The following GRM1 variants were observed in gnomAD, a reference collection of about 807,000 sequenced individuals.
GRM1 encodes metabotropic glutamate receptor 1.
In GRM1, 33 loss-of-function variants were observed where a neutral mutation model predicts 90.9. The ratio of observed to expected loss-of-function variants is 0.36; its 90% CI spans 0.28 to 0.49. GRM1 has a LOEUF of 0.49. Ranked by LOEUF, GRM1 falls within the 20% of genes least tolerant of loss-of-function variation. GRM1 has a pLI of 0.99. For synonymous variants in GRM1, 700 were observed against 613.2 expected (o/e 1.14, Z -2.09); for missense variants, 1,190 against 1,534.3 (o/e 0.78, Z 3.75).
At chr6:146,226,486 A>G (rs1352510588) in intron 2 of GRM1, among the ~76,000 whole-genome samples, 1 of 152,124 alleles carries the variant, frequency 6.6e-6, no homozygotes, top group African/African-American at 2.4e-5. Context: ...TCTTCAGGAA[A>G]GATGTAATAG....
At chr6:146,122,841 T>TTC (rs1421826472) in intron 1 of GRM1, among the ~76,000 whole-genome samples, 8 of 41,522 alleles carry the variant, frequency 1.9e-4, no homozygotes, top group Admixed American at 1.3e-3. Context: ...TTTTCTTTCT[T>TTC]TTTTTTTTTT....
At chr6:146,239,775 C>T (rs910511169) in intron 2 of GRM1, among the ~76,000 whole-genome samples, 1 of 152,118 alleles carries the variant, frequency 6.6e-6, no homozygotes, top group Non-Finnish European at 1.5e-5. Flanking sequence ...TCATCAGAAT[C>T]ACACCTGGAA....
intron 1 of GRM1, among the ~76,000 whole-genome samples, chr6:146,147,218 A>G (rs554649721): frequency 2.0e-5 from 3 of 152,220 alleles, no homozygotes; most frequent in Non-Finnish European, 4.4e-5. Flanking sequence ...TAGATAATGT[A>G]TAGAAAACTA....
intron 3 of GRM1, among the ~76,000 whole-genome samples, chr6:146,344,087 T>A (rs781293683): frequency 6.6e-6 from 1 of 152,236 alleles, no homozygotes; most frequent in Non-Finnish European, 1.5e-5. Context: ...TTCATGCTGA[T>A]GTTTCCAACA....
At chr6:146,118,505 G>A (rs1164707503) in intron 1 of GRM1, among the ~76,000 whole-genome samples, 2 of 152,288 alleles carry the variant, frequency 1.3e-5, no homozygotes, top group African/African-American at 4.8e-5. Flanking sequence ...TGTTACATAC[G>A]TATATATGTG....
intron 1 of GRM1, among the ~76,000 whole-genome samples, chr6:146,078,676 A>C (rs751936003): frequency 6.6e-6 from 1 of 152,224 alleles, no homozygotes; most frequent in Non-Finnish European, 1.5e-5. Flanking sequence ...AGAATGTTAT[A>C]CAGTATTTAA....
At chr6:146,327,498 C>T (rs1319871112) in intron 3 of GRM1, among the ~76,000 whole-genome samples, 1 of 152,134 alleles carries the variant, frequency 6.6e-6, no homozygotes, top group African/African-American at 2.4e-5. Flanking sequence ...AATAAGAGAC[C>T]ACTTTGTAGT....
At chr6:146,032,775 T>G (rs949194694) in intron 1 of GRM1, among the ~76,000 whole-genome samples, 5 of 152,210 alleles carry the variant, frequency 3.3e-5, no homozygotes, top group Admixed American at 1.3e-4. Context: ...TATCATCGTT[T>G]CTTGTATTAG....
chr6:146,389,228 C>A (rs1259530277), intron 6 of GRM1, among the ~76,000 whole-genome samples: 2 of 151,960 alleles, frequency 1.3e-5, no homozygotes, highest in African/African-American at 4.8e-5. Flanking sequence ...AGCTCAAAGA[C>A]AAAAGTGACC....
chr6:146,310,726 G>C (rs1446068421), intron 3 of GRM1, among the ~76,000 whole-genome samples: 1 of 152,078 alleles, frequency 6.6e-6, no homozygotes, highest in Non-Finnish European at 1.5e-5. Context: ...GAATAAGCTT[G>C]AATTTATCTG....
At position 146,436,071 on chromosome 6, in the gene GRM1, G is replaced by A. The variant is rs1778585053; in HGVS notation, c.*1275G>A. 1 of 152,546 alleles carries A rather than the reference G, an allele frequency of 6.6e-6. No homozygotes were observed. The highest frequency in any genetic ancestry group is 1.5e-5 in the Non-Finnish European group (1 of 68,016). 9.4% of individuals were successfully genotyped at this position (152,546 alleles called of 1,614,324 possible). A position where few individuals can be genotyped will look rare whatever the true frequency, so the allele number is the denominator to read the frequency against. ...AATTTGTGCAATGTAATGTCAAATT[G>A]ACTGGTCAATGTCAACCTAGTAGTC... On this transcript the variant is annotated 3_prime_UTR_variant, in exon 8 of 8. Coordinates refer to ENST00000282753, the MANE Select transcript of GRM1 (RefSeq NM_001278064.2).
intron 2 of GRM1, among the ~76,000 whole-genome samples, chr6:146,254,264 G>A (rs1781405395): frequency 6.6e-6 from 1 of 151,874 alleles, no homozygotes; most frequent in South Asian, 2.1e-4. Context: ...CTCTTTATGT[G>A]ACCTGCTTGA....
At chr6:146,083,765 A>C (rs1295170341) in intron 1 of GRM1, among the ~76,000 whole-genome samples, 1 of 152,190 alleles carries the variant, frequency 6.6e-6, no homozygotes, top group African/African-American at 2.4e-5. Flanking sequence ...GTTAGGGAGG[A>C]GTCCCTCCTT....
At chr6:146,254,097 TTTA>T (rs1021781421) in intron 2 of GRM1, among the ~76,000 whole-genome samples, 4 of 151,968 alleles carry the variant, frequency 2.6e-5, no homozygotes, top group African/African-American at 9.7e-5. Context: ...GAAAATAGGA[TTTA>T]TTGGAAGGAA....
chr6:146,323,837 G>A (rs980950834), intron 3 of GRM1, among the ~76,000 whole-genome samples: 3 of 152,190 alleles, frequency 2.0e-5, no homozygotes, highest in Non-Finnish European at 2.9e-5. Flanking sequence ...AGCACCATTT[G>A]TTAAATAGGG....
At chr6:146,424,047 C>A (rs1276769222) in intron 7 of GRM1, among the ~76,000 whole-genome samples, 1 of 152,184 alleles carries the variant, frequency 6.6e-6, no homozygotes, top group Non-Finnish European at 1.5e-5. Context: ...TCCTCTCCAG[C>A]CAGTCACTGG....
At chr6:146,083,734 G>A (rs1776445898) in intron 1 of GRM1, among the ~76,000 whole-genome samples, 1 of 152,178 alleles carries the variant, frequency 6.6e-6, no homozygotes, top group Non-Finnish European at 1.5e-5. Flanking sequence ...GTATCAGGAT[G>A]ATGCTGGCCT....
At chr6:146,210,116 T>C (rs541011426) in intron 2 of GRM1, among the ~76,000 whole-genome samples, 10 of 152,306 alleles carry the variant, frequency 6.6e-5, no homozygotes, top group African/African-American at 1.2e-4. Context: ...TCTTGGCTTT[T>C]ATACTCTTAG....
chr6:146,276,028 A>G (rs1782348418), intron 2 of GRM1, among the ~76,000 whole-genome samples: 1 of 152,132 alleles, frequency 6.6e-6, no homozygotes, highest in African/African-American at 2.4e-5. Flanking sequence ...AAAGGGTAAA[A>G]TCATTAATGT....
Sources: gnomAD v4.1 joint callset for allele counts (sites outside exome capture counted in the v4.1 genomes callset) on GRCh38, gnomAD v4.1.1 for gene constraint, MANE v1.5 for transcripts, NCBI Gene and HGNC (gene_info 2026-07-23, HGNC 2026-07-21) for gene names.